The following TFDP2 variants were observed in gnomAD, a reference collection of about 807,000 sequenced individuals.
The protein encoded by TFDP2 is transcription factor Dp-2 (E2F dimerization partner 2).
A neutral mutation model predicts 59.3 loss-of-function variants in TFDP2; 17 were observed. That is an observed-to-expected ratio of 0.29 (90% CI 0.20 to 0.43). The LOEUF (loss-of-function observed/expected upper bound fraction) is 0.43. Among genes scored for constraint, TFDP2 ranks in the 20% least tolerant of loss-of-function variants. The pLI, the probability that TFDP2 is intolerant of heterozygous loss-of-function variation, is 1.00. For missense variants in TFDP2, 391 were observed against 528.8 expected, an observed-to-expected ratio of 0.74 and a Z score of 2.56; for synonymous variants, 180 against 194.7, an observed-to-expected ratio of 0.92 and a Z score of 0.63.
intron 1 of TFDP2, among the ~76,000 whole-genome samples, chr3:142,127,444 T>G (rs957045560): frequency 6.6e-6 from 1 of 151,738 alleles, no homozygotes; most frequent in Non-Finnish European, 1.5e-5. Context: ...GTAGCTGGGA[T>G]TACAGGCGTG....
chr3:141,958,023 C>A (rs951045356), intron 11 of TFDP2, among the ~76,000 whole-genome samples: 1 of 151,922 alleles, frequency 6.6e-6, no homozygotes, highest in African/African-American at 2.4e-5. Context: ...TTCAGACCCA[C>A]CTGATTAGGA....
chr3:142,108,740 G>C (rs1295724551), intron 1 of TFDP2, among the ~76,000 whole-genome samples: 2 of 151,982 alleles, frequency 1.3e-5, no homozygotes, highest in Non-Finnish European at 2.9e-5. Context: ...TGTTGTCTAG[G>C]ATGCTGATGT....
chr3:142,094,306 T>C (rs1447935876), intron 2 of TFDP2, among the ~76,000 whole-genome samples: 1 of 84,468 alleles, frequency 1.2e-5, no homozygotes, highest in African/African-American at 3.3e-5. Flanking sequence ...CAAACTGTAC[T>C]TTTTTTTTTT....
At chr3:141,953,151 A>G (rs1936126336) in intron 11 of TFDP2, 135 bp from the exon 12 acceptor site, 3 of 537,304 alleles carry the variant, frequency 5.6e-6, no homozygotes, top group Non-Finnish European at 9.5e-6. Context: ...TCTTGCTGTG[A>G]CAAGAACCCA....
intron 9 of TFDP2, among the ~76,000 whole-genome samples, chr3:141,969,147 T>A (rs1369142734): frequency 1.1e-5 from 1 of 92,516 alleles, no homozygotes; most frequent in Non-Finnish European, 1.9e-5. Flanking sequence ...ATCCCATATA[T>A]ATGAGATATA....
At chr3:141,990,387 G>A (rs981336921) in intron 6 of TFDP2, among the ~76,000 whole-genome samples, 2 of 151,868 alleles carry the variant, frequency 1.3e-5, no homozygotes, top group African/African-American at 2.4e-5. Context: ...CGATTCTCTT[G>A]CCTCAGCCTC....
At chr3:141,974,852 T>A (rs1173338875) in intron 7 of TFDP2, among the ~76,000 whole-genome samples, 1 of 150,752 alleles carries the variant, frequency 6.6e-6, no homozygotes, top group Non-Finnish European at 1.5e-5. Flanking sequence ...CAAAATATAA[T>A]CCTCTATATG....
chr3:142,090,006 C>T (rs2060948040), intron 3 of TFDP2, among the ~76,000 whole-genome samples: 1 of 152,132 alleles, frequency 6.6e-6, no homozygotes, highest in South Asian at 2.1e-4. Flanking sequence ...TTCTACATCT[C>T]ACTTCCAATA....
chr3:142,053,207 C>T (rs1482498660), intron 3 of TFDP2, among the ~76,000 whole-genome samples: 1 of 152,176 alleles, frequency 6.6e-6, no homozygotes, highest in Non-Finnish European at 1.5e-5. Context: ...CGCTCCAAAT[C>T]TCATGCTGAA....
chr3:142,028,585 T>A, intron 3 of TFDP2: 2 of 985,424 alleles, frequency 2.0e-6, no homozygotes, highest in African/African-American at 1.7e-5. Context: ...TTACCTGGTC[T>A]AAGGAAGCAT....
chr3:142,002,249 C>A (rs184157120), intron 4 of TFDP2, among the ~76,000 whole-genome samples: 1 of 151,938 alleles, frequency 6.6e-6, no homozygotes, highest in East Asian at 1.9e-4. Context: ...CCAGCCTTGG[C>A]CTCCCAAAGT....
chr3:142,076,727 G>GT (rs1268547651), intron 3 of TFDP2, among the ~76,000 whole-genome samples: 1 of 152,154 alleles, frequency 6.6e-6, no homozygotes, highest in African/African-American at 2.4e-5. Flanking sequence ...TCTGTGTGCA[G>GT]TTTCTTCAGT....
At chr3:141,978,416 TA>T in intron 7 of TFDP2, 103 bp downstream of exon 7, 1 of 1,170,730 alleles carries the variant, frequency 8.5e-7, no homozygotes, top group Non-Finnish European at 1.2e-6. Flanking sequence ...AAATAAAGGA[TA>T]AAACCCTCAA....
At chr3:141,988,489 G>C (rs770948709) in intron 6 of TFDP2, among the ~76,000 whole-genome samples, 16 of 151,888 alleles carry the variant, frequency 1.1e-4, no homozygotes, top group Admixed American at 2.0e-4. Flanking sequence ...GGTTCTTCCT[G>C]ATCTAGTTTT....
chr3:141,969,244 TATAAC>T lies in TFDP2; in HGVS notation c.732+824_732+828del, dbSNP rs1939302514. Among the ~76,000 whole-genome samples, 11 of 109,670 alleles carry T rather than the reference TATAAC, an allele frequency of 1.0e-4. No individual in the cohort carries two copies. The South Asian group carries it at 1.5e-3, about 15-fold the overall frequency. The allele number at this position is 109,670 out of a possible 152,430, so 71.9% of individuals were successfully genotyped here. On this transcript the variant is annotated intron_variant, in intron 9 of 12. Transcript: ENST00000489671. ...CTCATATATATGAGATATATATATA[TATAAC>T]ATATATATATCTCATATATATGAGA...
chr3:142,089,437 C>G (rs1262589257), intron 3 of TFDP2, among the ~76,000 whole-genome samples: 2 of 152,076 alleles, frequency 1.3e-5, no homozygotes, highest in Middle Eastern at 3.2e-3. Flanking sequence ...ACTTCAGGAC[C>G]TAACTTCAGG....
intron 4 of TFDP2, among the ~76,000 whole-genome samples, chr3:142,003,095 C>T (rs543658172): frequency 2.0e-5 from 3 of 152,022 alleles, no homozygotes; most frequent in East Asian, 1.9e-4. Context: ...TTCTTCCTCC[C>T]GGGTTCAAGC....
chr3:142,065,002 T>A (rs2060028947), intron 3 of TFDP2, among the ~76,000 whole-genome samples: 1 of 152,192 alleles, frequency 6.6e-6, no homozygotes, highest in South Asian at 2.1e-4. Context: ...ACTATTAATT[T>A]AAATAAAATG....
At chr3:142,010,336 C>T (rs965677666) in intron 3 of TFDP2, among the ~76,000 whole-genome samples, 4 of 152,098 alleles carry the variant, frequency 2.6e-5, no homozygotes, top group Admixed American at 2.6e-4. Context: ...TTGGGCCGGG[C>T]GCAGTGGCTC....
Sources: allele counts gnomAD v4.1 joint callset (sites outside exome capture counted in the v4.1 genomes callset), GRCh38; gene constraint gnomAD v4.1.1; transcripts MANE v1.5; gene names NCBI Gene and HGNC (gene_info 2026-07-23, HGNC 2026-07-21).